Variants in SMC6 observed in about 807,000 individuals in gnomAD.
SMC6 encodes structural maintenance of chromosomes 6, also known as structural maintenance of chromosomes protein 6.
In SMC6, 79 loss-of-function variants were observed where a neutral mutation model predicts 142.2. The observed-to-expected ratio is 0.56, with a 90% CI of 0.46 to 0.67. SMC6 has a LOEUF of 0.67. SMC6 is among the 30% of genes least tolerant of loss of function. The pLI, the probability that SMC6 is intolerant of heterozygous loss-of-function variation, is 0.00. For missense variants in SMC6, 1,072 were observed against 1,284.0 expected, an observed-to-expected ratio of 0.83 and a Z score of 2.52; for synonymous variants, 411 against 412.4, an observed-to-expected ratio of 1.00 and a Z score of 0.04.
intron 2 of SMC6, among the ~76,000 whole-genome samples, chr2:17,750,686 C>T (rs1345920408): frequency 1.3e-5 from 2 of 152,110 alleles, no homozygotes; most frequent in Non-Finnish European, 2.9e-5. Context: ...TCTCGTCTAT[C>T]CTTCATTAAA....
intron 23 of SMC6, among the ~76,000 whole-genome samples, chr2:17,690,204 C>T (rs778999961): frequency 1.3e-5 from 2 of 152,138 alleles, no homozygotes; most frequent in Non-Finnish European, 2.9e-5. Flanking sequence ...AAATAAATAG[C>T]TTTTGCTCAG....
chr2:17,750,005 T>C (rs1392548108), intron 2 of SMC6, among the ~76,000 whole-genome samples: 1 of 152,232 alleles, frequency 6.6e-6, no homozygotes, highest in Non-Finnish European at 1.5e-5. Context: ...AACAACTTCA[T>C]TTTGAATGTG....
At chr2:17,705,137 A>G (rs549280847) in intron 18 of SMC6, among the ~76,000 whole-genome samples, 1 of 152,160 alleles carries the variant, frequency 6.6e-6, no homozygotes, top group East Asian at 1.9e-4. Flanking sequence ...ACGTGCCTGT[A>G]GTCCCAGCTT....
At chr2:17,705,375 G>T (rs747146528) in intron 18 of SMC6, among the ~76,000 whole-genome samples, 9 of 152,212 alleles carry the variant, frequency 5.9e-5, no homozygotes, top group Non-Finnish European at 1.3e-4. Flanking sequence ...CCAGGAGTTT[G>T]AGACCAGCCT....
At chr2:17,734,757 A>C (rs976484095) in intron 5 of SMC6, among the ~76,000 whole-genome samples, 1 of 151,914 alleles carries the variant, frequency 6.6e-6, no homozygotes, top group African/African-American at 2.4e-5. Flanking sequence ...TTTGAGACAG[A>C]GTCTCACTCT....
chr2:17,747,371 G>A (rs1244907984), intron 2 of SMC6, among the ~76,000 whole-genome samples: 3 of 152,122 alleles, frequency 2.0e-5, no homozygotes, highest in Non-Finnish European at 4.4e-5. Context: ...CTCTTTGTCC[G>A]CAGTCCAATA....
chr2:17,683,845 G>T, intron 23 of SMC6, 82 bp from the exon 24 acceptor site: 1 of 1,302,746 alleles, frequency 7.7e-7, no homozygotes, highest in South Asian at 1.2e-5. Flanking sequence ...GATTTAACTG[G>T]GAAGAACAGG....
At chr2:17,700,756 G>A (rs1668230104) in intron 20 of SMC6, among the ~76,000 whole-genome samples, 1 of 152,082 alleles carries the variant, frequency 6.6e-6, no homozygotes, top group Admixed American at 6.6e-5. Context: ...AGTTGGCCAG[G>A]TGCAGTGGCT....
intron 16 of SMC6, 45 bp from the exon 17 acceptor site, chr2:17,708,798 T>A: frequency 1.3e-6 from 1 of 793,334 alleles, no homozygotes; most frequent in Non-Finnish European, 1.8e-6. Flanking sequence ...AAATTTTAAT[T>A]ATAAATATAT....
chr2:17,695,119 T>C (rs1667929084), intron 23 of SMC6, 33 bp downstream of exon 23: 1 of 1,607,464 alleles, frequency 6.2e-7, no homozygotes, highest in Non-Finnish European at 8.5e-7. Context: ...GCATGAATAA[T>C]GTGGTAAAGC....
chr2:17,686,978 T>C (rs914907517), intron 23 of SMC6, among the ~76,000 whole-genome samples: 4 of 152,210 alleles, frequency 2.6e-5, no homozygotes, highest in Admixed American at 2.6e-4. Context: ...AAATGAATTT[T>C]TGTGTTTAGA....
At chr2:17,690,978 A>T (rs1380989595) in intron 23 of SMC6, among the ~76,000 whole-genome samples, 7 of 151,900 alleles carry the variant, frequency 4.6e-5, no homozygotes, top group Admixed American at 2.0e-4. Context: ...CGCTGAGTAC[A>T]TATAAAATAA....
chr2:17,728,639 C>T (rs115968794), intron 7 of SMC6, among the ~76,000 whole-genome samples: 1 of 151,950 alleles, frequency 6.6e-6, no homozygotes, highest in African/African-American at 2.4e-5. Context: ...GGATAAGAAA[C>T]GGAGGCACAG....
intron 5 of SMC6, among the ~76,000 whole-genome samples, chr2:17,734,880 C>G (rs1255443472): frequency 6.6e-6 from 1 of 152,044 alleles, no homozygotes. Flanking sequence ...TACAGGCACC[C>G]ACCACCACAT....
chr2:17,733,545 A>G (rs185720980), intron 5 of SMC6, among the ~76,000 whole-genome samples: 7 of 152,246 alleles, frequency 4.6e-5, no homozygotes, highest in Admixed American at 3.9e-4. Flanking sequence ...TGAAGGATAT[A>G]CAGAAAATTG....
At chr2:17,735,143 AAGACAG>A (rs1207734486) in intron 5 of SMC6, among the ~76,000 whole-genome samples, 2 of 152,158 alleles carry the variant, frequency 1.3e-5, no homozygotes, top group African/African-American at 2.4e-5. Flanking sequence ...CTTCTGCAGG[AAGACAG>A]AGACAACTGA....
intron 3 of SMC6, 85 bp downstream of exon 3, chr2:17,745,742 G>A (rs1382919203): frequency 1.5e-6 from 2 of 1,368,028 alleles, no homozygotes; most frequent in Non-Finnish European, 1.9e-6. Context: ...ACTTTTTCTT[G>A]ATTTTAAGTT....
At chr2:17,714,181 C>G (rs1668966417) in intron 16 of SMC6, among the ~76,000 whole-genome samples, 1 of 151,456 alleles carries the variant, frequency 6.6e-6, no homozygotes, top group African/African-American at 2.4e-5. Flanking sequence ...CTACAACCTC[C>G]ACCTCCTAGG....
At chr2:17,684,406 C>A (rs1293502422) in intron 23 of SMC6, among the ~76,000 whole-genome samples, 1 of 152,184 alleles carries the variant, frequency 6.6e-6, no homozygotes, top group Non-Finnish European at 1.5e-5. Context: ...GCTGGCACAG[C>A]ATCCAGATAT....
Sources: allele counts gnomAD v4.1 joint callset (sites outside exome capture counted in the v4.1 genomes callset), GRCh38; gene constraint gnomAD v4.1.1; transcripts MANE v1.5; gene names NCBI Gene and HGNC (gene_info 2026-07-23, HGNC 2026-07-21).